The following LARP1B variants were observed in gnomAD, a reference collection of about 807,000 sequenced individuals.
LARP1B encodes the protein la-related protein 1B.
Under a neutral mutation model 114.2 loss-of-function variants are expected in LARP1B, and 76 were observed. That is an observed-to-expected ratio of 0.67 (90% CI 0.55 to 0.81). The LOEUF is 0.81. Ranked by LOEUF, LARP1B falls within the 30% of genes least tolerant of loss-of-function variation. The probability of loss-of-function intolerance (pLI) is 0.00; values close to 1 mark genes in which losing one functional copy is unlikely to be tolerated. For missense variants in LARP1B, 1,014 were observed against 1,075.8 expected, an observed-to-expected ratio of 0.94 and a Z score of 0.80; for synonymous variants, 345 against 348.0, an observed-to-expected ratio of 0.99 and a Z score of 0.10.
At chr4:128,180,347 TTGAC>T (rs1747923806) in intron 15 of LARP1B, among the ~76,000 whole-genome samples, 1 of 152,244 alleles carries the variant, frequency 6.6e-6, no homozygotes, top group African/African-American at 2.4e-5. Context: ...AAATATGTTT[TTGAC>T]TGGTTACTAG....
intron 5 of LARP1B, among the ~76,000 whole-genome samples, chr4:128,088,215 G>A (rs998964023): frequency 1.3e-5 from 2 of 151,688 alleles, no homozygotes; most frequent in East Asian, 3.9e-4. Flanking sequence ...TGATGATGAT[G>A]ATGATGAACA....
chr4:128,193,695 C>A (rs922557486), intron 15 of LARP1B, among the ~76,000 whole-genome samples: 1 of 152,094 alleles, frequency 6.6e-6, no homozygotes, highest in Non-Finnish European at 1.5e-5. Flanking sequence ...TGGCTCACTG[C>A]AACCCCTGCC....
intron 11 of LARP1B, among the ~76,000 whole-genome samples, chr4:128,130,144 C>T (rs998607240): frequency 2.0e-5 from 3 of 152,006 alleles, no homozygotes; most frequent in Admixed American, 6.5e-5. Flanking sequence ...CTTGAGACCA[C>T]GAGTTTGAGA....
chr4:128,108,455 T>G lies in LARP1B; in HGVS notation c.988+1142T>G, dbSNP rs568905266. On this transcript the variant is annotated intron_variant, in intron 9 of 19. Coordinates refer to ENST00000326639, the MANE Select transcript of LARP1B (RefSeq NM_018078.4). ...TAAGGAATTTAAGAACTGGATGAGG[T>G]TATTTCTTCCTTTACTCTTCAAAAT... is the stretch of plus-strand genomic sequence containing the variant. The G allele has an allele frequency of 3.4e-5, 34 of 985,768 alleles. No homozygotes were observed. In the Admixed American group the frequency reaches 9.2e-4, roughly 27 times the overall value. 61.1% of individuals were successfully genotyped at this position (985,768 alleles called of 1,614,324 possible).
At chr4:128,116,632 T>C (rs543130925) in intron 10 of LARP1B, among the ~76,000 whole-genome samples, 1 of 152,306 alleles carries the variant, frequency 6.6e-6, no homozygotes, top group South Asian at 2.1e-4. Context: ...ATTCTGATGC[T>C]ACAGACTGAG....
chr4:128,176,703 A>ACT (rs1012452903), intron 12 of LARP1B, among the ~76,000 whole-genome samples, 169 bp from the exon 13 acceptor site: 3 of 152,228 alleles, frequency 2.0e-5, no homozygotes, highest in Admixed American at 1.3e-4. Context: ...TATGGTAGGC[A>ACT]CTAGTATTCG....
At chr4:128,155,878 G>A (rs1735361385) in intron 11 of LARP1B, 3 of 1,556,190 alleles carry the variant, frequency 1.9e-6, no homozygotes, top group South Asian at 1.1e-5. Flanking sequence ...CCTGGAGCTG[G>A]TGCTGGAAGC....
At chr4:128,143,217 G>C (rs540703995) in intron 11 of LARP1B, among the ~76,000 whole-genome samples, 2 of 152,192 alleles carry the variant, frequency 1.3e-5, no homozygotes, top group South Asian at 4.1e-4. Context: ...CCCGGGAGGT[G>C]GAGGTTGCAG....
At chr4:128,189,962 T>G (rs1165472193) in intron 15 of LARP1B, among the ~76,000 whole-genome samples, 2 of 152,230 alleles carry the variant, frequency 1.3e-5, no homozygotes, top group Non-Finnish European at 2.9e-5. Flanking sequence ...ATGAATGGAT[T>G]ACATGTAACA....
intron 4 of LARP1B, among the ~76,000 whole-genome samples, chr4:128,080,027 A>G: frequency 6.8e-6 from 1 of 147,082 alleles, no homozygotes; most frequent in South Asian, 2.2e-4. Context: ...TCTTGTTGCC[A>G]CGCTGGAGTG....
intron 15 of LARP1B, among the ~76,000 whole-genome samples, chr4:128,194,682 CAAAAAAAAAAAAAA>C (rs56843140): frequency 5.0e-4 from 13 of 25,906 alleles, no homozygotes; most frequent in South Asian, 4.1e-3. Context: ...GACTCTGTCT[CAAAAAAAAAAAAAA>C]AAAAAAAAAA....
downstream of LARP1B, among the ~76,000 whole-genome samples, chr4:128,213,346 T>C (rs555919730): frequency 1.9e-4 from 29 of 152,330 alleles, no homozygotes; most frequent in South Asian, 5.8e-3. Flanking sequence ...ACCATATTGT[T>C]TGTAGATTGC....
rs184481429 is a variant in LARP1B at position 128,112,120 on chromosome 4, A to G, written c.989-2450A>G. 3.3e-3 allele frequency among the ~76,000 whole-genome samples: 510 copies of G among 152,266 alleles called. 4 individuals are homozygous for G. The highest frequency in any genetic ancestry group is 0.012 in the African/African-American group (482 of 41,552). ...CATCCAAAGCTTGTATTTCACTTGT[A>G]CTTTTTTTGTGAATGAATTGGTGAT... On this transcript the variant is annotated intron_variant, in intron 9 of 19. Coordinates refer to ENST00000326639, the MANE Select transcript of LARP1B (RefSeq NM_018078.4).
intron 17 of LARP1B, among the ~76,000 whole-genome samples, chr4:128,205,289 T>C (rs1200502326): frequency 6.6e-6 from 1 of 152,232 alleles, no homozygotes; most frequent in African/African-American, 2.4e-5. Context: ...GAAGAGGTTG[T>C]AACCTTTCTG....
chr4:128,178,636 T>G lies in LARP1B; in HGVS notation c.1890T>G (p.Asp630Glu), dbSNP rs114551546. The G allele has an allele frequency of 8.1e-6, 13 of 1,611,782 alleles. No homozygotes were observed. The Admixed American group carries it at 8.3e-5, about 10-fold the overall frequency. ...YPVVKEPKAI[D>E]VKSPRKRKTR... The stretch of plus-strand genomic sequence containing the variant: ...TTGTTAAAGAACCAAAAGCCATTGA[T>G]GTAAAGGTATACAAAACAACCAGGA... Residue 630 changes from aspartate to glutamate, a missense_variant, in exon 14 of 20, where the codon GAT becomes GAG. Coordinates refer to ENST00000326639, the MANE Select transcript of LARP1B (RefSeq NM_018078.4).
chr4:128,184,057 T>C (rs1303122008), intron 15 of LARP1B, among the ~76,000 whole-genome samples: 1 of 152,228 alleles, frequency 6.6e-6, no homozygotes, highest in Non-Finnish European at 1.5e-5. Flanking sequence ...TTTCTTGAGA[T>C]AGAATCTACT....
chr4:128,106,020 G>A (rs957173191), intron 8 of LARP1B, among the ~76,000 whole-genome samples: 2 of 151,970 alleles, frequency 1.3e-5, no homozygotes, highest in Non-Finnish European at 2.9e-5. Context: ...ATTTCTGAAT[G>A]GATAATGTTC....
intron 11 of LARP1B, among the ~76,000 whole-genome samples, chr4:128,128,272 A>G (rs1790308112): frequency 6.6e-6 from 1 of 152,228 alleles, no homozygotes; most frequent in Admixed American, 6.5e-5. Context: ...AAACAGGTAA[A>G]TTGGACATCA....
At chr4:128,141,865 T>C (rs985823949) in intron 11 of LARP1B, among the ~76,000 whole-genome samples, 1 of 152,226 alleles carries the variant, frequency 6.6e-6, no homozygotes, top group African/African-American at 2.4e-5. Flanking sequence ...TCATTCACTT[T>C]GACTTTGCTG....
Sources: gnomAD v4.1 joint callset for allele counts (sites outside exome capture counted in the v4.1 genomes callset) on GRCh38, gnomAD v4.1.1 for gene constraint, MANE v1.5 for transcripts, NCBI Gene and HGNC (gene_info 2026-07-23, HGNC 2026-07-21) for gene names.